The following CAMK1G variants were observed in gnomAD, a reference collection of about 807,000 sequenced individuals.
The protein encoded by CAMK1G is calcium/calmodulin dependent protein kinase IG.
In CAMK1G, 27 loss-of-function variants were observed where a neutral mutation model predicts 54.8. The observed-to-expected ratio is 0.49, with a 90% CI of 0.36 to 0.68. CAMK1G has a LOEUF of 0.68. CAMK1G is among the 30% of genes least tolerant of loss of function. The pLI is 0.00. For synonymous variants in CAMK1G, 238 were observed against 224.9 expected, an observed-to-expected ratio of 1.06 and a Z score of -0.52; for missense variants, 512 against 591.0, an observed-to-expected ratio of 0.87 and a Z score of 1.39.
intron 1 of CAMK1G, 33 bp downstream of exon 1, chr1:209,583,805 G>C (rs1665023460): frequency 6.6e-6 from 1 of 152,220 alleles, no homozygotes; most frequent in Admixed American, 6.5e-5. Flanking sequence ...CTTGGCTTTA[G>C]AGGGTCTCCT....
At position 209,595,091 on chromosome 1, in the gene CAMK1G, G is replaced by T. The variant is rs111229323; in HGVS notation, c.92+16G>T. On this transcript the variant is annotated intron_variant, in intron 2 of 12. Transcript: ENST00000361322. ...TGCTGGGATCGTAAGTCCTGGGGCT[G>T]TGAGGTCGGGTGGGCTGGGCTGCCT... The T allele has an allele frequency of 2.5e-3, 3,957 of 1,596,852 alleles. 100 individuals carry two copies. The African/African-American group carries it at 0.048, about 19-fold the overall frequency.
intron 12 of CAMK1G, 49 bp from the exon 13 acceptor site, chr1:209,612,991 G>C: frequency 1.4e-6 from 1 of 731,994 alleles, no homozygotes; most frequent in Non-Finnish European, 2.4e-6. Flanking sequence ...TGAGTGATGG[G>C]GTCTGAGGTG....
At chr1:209,591,779 C>G (rs1665257030) in intron 1 of CAMK1G, among the ~76,000 whole-genome samples, 1 of 152,182 alleles carries the variant, frequency 6.6e-6, no homozygotes, top group Non-Finnish European at 1.5e-5. Context: ...CTAGTGACCT[C>G]TGAAGTATGA....
intron 1 of CAMK1G, among the ~76,000 whole-genome samples, chr1:209,586,129 T>G (rs1429523234): frequency 6.6e-6 from 1 of 152,186 alleles, no homozygotes; most frequent in Non-Finnish European, 1.5e-5. Context: ...AGGGGAAAGA[T>G]CCTTCCTCTC....
intron 1 of CAMK1G, among the ~76,000 whole-genome samples, chr1:209,592,767 C>T (rs1264781795): frequency 6.6e-6 from 1 of 152,190 alleles, no homozygotes; most frequent in Non-Finnish European, 1.5e-5. Flanking sequence ...ATCTTTCCAC[C>T]TCCTCTTCCC....
chr1:209,593,987 A>G (rs1665319898), intron 1 of CAMK1G, among the ~76,000 whole-genome samples: 1 of 152,106 alleles, frequency 6.6e-6, no homozygotes, highest in South Asian at 2.1e-4. Flanking sequence ...CTGCCCCTTC[A>G]GGCTCTGGAG....
chr1:209,608,779 C>T (rs755560434), intron 7 of CAMK1G, among the ~76,000 whole-genome samples: 10 of 152,300 alleles, frequency 6.6e-5, no homozygotes, highest in Non-Finnish European at 1.5e-4. Context: ...GATGACTGTG[C>T]CAAGGCTTGG....
intron 1 of CAMK1G, among the ~76,000 whole-genome samples, chr1:209,585,093 T>G (rs901345655): frequency 5.3e-5 from 8 of 152,180 alleles, no homozygotes; most frequent in African/African-American, 1.9e-4. Context: ...TATTGATAAA[T>G]TCAGTGAACT....
chr1:209,590,582 G>A (rs1397869236), intron 1 of CAMK1G, among the ~76,000 whole-genome samples: 1 of 152,210 alleles, frequency 6.6e-6, no homozygotes, highest in Non-Finnish European at 1.5e-5. Flanking sequence ...TGCTAATGAG[G>A]TGGTGCAGCC....
intron 6 of CAMK1G, among the ~76,000 whole-genome samples, chr1:209,606,987 C>T (rs1402010206): frequency 2.0e-5 from 3 of 152,126 alleles, no homozygotes; most frequent in African/African-American, 7.2e-5. Flanking sequence ...GTTTCCAGGG[C>T]CCCCAAAAAG....
rs1571786293 is a variant in CAMK1G, at chr1:209,609,017, T to G, written c.673T>G (p.Ser225Ala). 1 of 1,613,898 alleles carries G rather than the reference T, an allele frequency of 6.2e-7. No homozygotes were observed. The highest frequency in any genetic ancestry group is 8.5e-7 in the Non-Finnish European group (1 of 1,179,970). ...CCCCCCATTCTATGAAGAAACGGAG[T>G]CTAAGCTTTTCGAGAAGATCAAGGA... is the stretch of plus-strand genomic sequence containing the variant. ...GYPPFYEETE[S>A]KLFEKIKEGY... Residue 225 changes from serine (S) to alanine (A), a missense_variant, in exon 8 of 13, where the codon TCT becomes GCT. Ser to Ala is a moderately conservative substitution (Grantham distance 99). Transcript: ENST00000361322.
intron 1 of CAMK1G, among the ~76,000 whole-genome samples, chr1:209,584,601 A>G (rs1013038261): frequency 6.6e-6 from 1 of 152,114 alleles, no homozygotes; most frequent in Non-Finnish European, 1.5e-5. Flanking sequence ...TTGACGCACA[A>G]ACATTAACCC....
intron 6 of CAMK1G, 180 bp from the exon 7 acceptor site, chr1:209,607,678 G>A: frequency 1.8e-6 from 1 of 549,532 alleles, no homozygotes; most frequent in Non-Finnish European, 3.2e-6. Flanking sequence ...TCTCTTTTCA[G>A]GAAGATTTAG....
chr1:209,585,723 G>T (rs1246400160), intron 1 of CAMK1G, among the ~76,000 whole-genome samples: 1 of 152,234 alleles, frequency 6.6e-6, no homozygotes, highest in Admixed American at 6.5e-5. Context: ...AGAGGAGAGC[G>T]CCTCCCTCGC....
intron 9 of CAMK1G, among the ~76,000 whole-genome samples, chr1:209,610,874 C>T (rs1665764412): frequency 6.6e-6 from 1 of 152,210 alleles, no homozygotes; most frequent in Admixed American, 6.5e-5. Context: ...CAGCAAGTGT[C>T]TGAGGAACAC....
intron 3 of CAMK1G, among the ~76,000 whole-genome samples, chr1:209,600,941 T>C (rs1029001058): frequency 1.4e-4 from 22 of 152,178 alleles, no homozygotes; most frequent in African/African-American, 5.3e-4. Flanking sequence ...AGAGTGAGTA[T>C]TGGAAATCCC....
chr1:209,594,452 G>T (rs530211939), intron 1 of CAMK1G, among the ~76,000 whole-genome samples: 4 of 152,334 alleles, frequency 2.6e-5, no homozygotes, highest in Admixed American at 2.0e-4. Flanking sequence ...TATTTGCCCA[G>T]CACTGTGCTA....
At chr1:209,595,900 TC>T (rs1665370024) in intron 2 of CAMK1G, among the ~76,000 whole-genome samples, 1 of 150,340 alleles carries the variant, frequency 6.7e-6, no homozygotes, top group South Asian at 2.1e-4. Flanking sequence ...GTCCTGCCTC[TC>T]CCCTGGGAGG....
intron 6 of CAMK1G, 45 bp from the exon 7 acceptor site, chr1:209,607,813 T>C (rs1012507188): frequency 1.3e-6 from 2 of 1,567,874 alleles, no homozygotes; most frequent in Non-Finnish European, 1.7e-6. Flanking sequence ...CCCAAAGCCC[T>C]CTCCTCTTGC....
Sources: allele counts gnomAD v4.1 joint callset (sites outside exome capture counted in the v4.1 genomes callset), GRCh38; gene constraint gnomAD v4.1.1; transcripts MANE v1.5; gene names NCBI Gene and HGNC (gene_info 2026-07-23, HGNC 2026-07-21).